ZNHIT6: variants seen among roughly 807,000 people sequenced by gnomAD.
ZNHIT6 encodes the protein zinc finger HIT-type containing 6.
In ZNHIT6, 45 loss-of-function variants were observed where a neutral mutation model predicts 57.2. The observed-to-expected ratio is 0.79, with a 90% CI of 0.62 to 1.01. ZNHIT6 has a LOEUF of 1.01. Among genes scored for constraint, ZNHIT6 ranks in the 50% least tolerant of loss-of-function variants. The probability of loss-of-function intolerance (pLI) is 0.00; values close to 1 mark genes in which losing one functional copy is unlikely to be tolerated. For missense variants in ZNHIT6, 528 were observed against 567.3 expected (o/e 0.93, Z 0.70); for synonymous variants, 188 against 190.0 (o/e 0.99, Z 0.09).
intron 4 of ZNHIT6, among the ~76,000 whole-genome samples, chr1:85,703,706 C>G (rs140827112): frequency 6.6e-6 from 1 of 152,096 alleles, no homozygotes; most frequent in African/African-American, 2.4e-5. Flanking sequence ...AGAATAACTT[C>G]CTAACTTCAA....
chr1:85,678,350 C>T lies in ZNHIT6; in HGVS notation c.1169+351G>A, dbSNP rs1380859429. 2.6e-5 allele frequency among the ~76,000 whole-genome samples: 4 copies of T among 152,094 alleles called. No individual in the cohort carries two copies. The East Asian group carries it at 5.8e-4, about 22-fold the overall frequency. ...GAGTAAAGACTTTGACTCCAGACTG[C>T]CTGGGTGTGAATCCTAGCTTCCCTG... On this transcript the variant is annotated intron_variant, in intron 7 of 9. Coordinates refer to ENST00000370574, the MANE Select transcript of ZNHIT6 (RefSeq NM_017953.4).
In ZNHIT6 at chr1:85,651,527, T is replaced by C. The variant is rs1570273749; in HGVS notation, c.*2531A>G. 6.6e-6 allele frequency: 1 copy of C among 152,354 alleles called. No homozygotes were observed. Among genetic ancestry groups the C allele is most frequent in the Admixed American group, 6.5e-5 (1 of 15,298 alleles). 9.4% of individuals were successfully genotyped at this position (152,354 alleles called of 1,614,324 possible). A position where few individuals can be genotyped will look rare whatever the true frequency, so the allele number is the denominator to read the frequency against. On this transcript the variant is annotated 3_prime_UTR_variant, in exon 10 of 10. Coordinates refer to ENST00000370574, the MANE Select transcript of ZNHIT6 (RefSeq NM_017953.4). ...CTGGGATTACAGCTGTGAGCCACTG[T>C]GCCTAGCCAATTCATATTTATAAAA...
chr1:85,679,656 CTCACT>C (rs1227957145), intron 6 of ZNHIT6, among the ~76,000 whole-genome samples: 3 of 148,458 alleles, frequency 2.0e-5, no homozygotes, highest in Non-Finnish European at 3.0e-5. Context: ...ATGATCTTGG[CTCACT>C]GCAACCTCCG....
chr1:85,684,533 G>A (rs1035189623), intron 5 of ZNHIT6, among the ~76,000 whole-genome samples: 1 of 152,100 alleles, frequency 6.6e-6, no homozygotes, highest in Non-Finnish European at 1.5e-5. Flanking sequence ...ACGGCAGAAA[G>A]CTCCTTGGGA....
chr1:85,704,613 T>TA (rs979933841), intron 4 of ZNHIT6, among the ~76,000 whole-genome samples: 8 of 151,634 alleles, frequency 5.3e-5, no homozygotes, highest in East Asian at 1.9e-4. Context: ...TTTCACAATT[T>TA]AAAAAAAAAT....
intron 8 of ZNHIT6, among the ~76,000 whole-genome samples, chr1:85,671,479 A>T (rs1661555774): frequency 6.6e-6 from 1 of 151,792 alleles, no homozygotes; most frequent in Admixed American, 6.6e-5. Flanking sequence ...TTTTTTTTTC[A>T]AAATGAATTT....
intron 8 of ZNHIT6, among the ~76,000 whole-genome samples, chr1:85,671,593 C>G (rs560530390): frequency 1.3e-5 from 2 of 152,270 alleles, no homozygotes; most frequent in East Asian, 3.9e-4. Flanking sequence ...TTCATTGAAT[C>G]ATTTCAGCAT....
intron 5 of ZNHIT6, among the ~76,000 whole-genome samples, chr1:85,688,172 T>G (rs1285983047): frequency 6.6e-6 from 1 of 152,218 alleles, no homozygotes; most frequent in Non-Finnish European, 1.5e-5. Context: ...TCAGGCATGG[T>G]TCTAAATGTA....
chr1:85,670,972 C>A (rs1411225974), intron 8 of ZNHIT6, among the ~76,000 whole-genome samples: 2 of 140,904 alleles, frequency 1.4e-5, no homozygotes, highest in African/African-American at 4.9e-5. Context: ...AAATTCGAAA[C>A]ACACACATCA....
At chr1:85,707,315 G>C (rs1266366233) in intron 1 of ZNHIT6, among the ~76,000 whole-genome samples, 1 of 152,066 alleles carries the variant, frequency 6.6e-6, no homozygotes, top group South Asian at 2.1e-4. Flanking sequence ...AAGGAATACC[G>C]AGTAAAGAGC....
In ZNHIT6 at chr1:85,652,050, T is replaced by C. The variant is rs1385000539; in HGVS notation, c.*2008A>G. On this transcript the variant is annotated 3_prime_UTR_variant, in exon 10 of 10. Coordinates refer to ENST00000370574, the MANE Select transcript of ZNHIT6 (RefSeq NM_017953.4). ...GAAAATAAAGATGGCAAAGATGCATTAGATAATATAGATTTCTTTTTTTCC... is the reference window on the plus strand; with the variant it reads ...GAAAATAAAGATGGCAAAGATGCATCAGATAATATAGATTTCTTTTTTTCC... The C allele has an allele frequency of 6.6e-6, 1 of 152,210 alleles. No homozygotes were observed. Among genetic ancestry groups the C allele is most frequent in the Non-Finnish European group, 1.5e-5 (1 of 68,038 alleles). 9.4% of individuals were successfully genotyped at this position (152,210 alleles called of 1,614,324 possible). A position where few individuals can be genotyped will look rare whatever the true frequency, so the allele number is the denominator to read the frequency against.
Position 85,650,682 on chromosome 1 carries a change from C to T in ZNHIT6, c.*3376G>A, listed in dbSNP as rs565826574. On this transcript the variant is annotated 3_prime_UTR_variant, in exon 10 of 10. Coordinates refer to ENST00000370574, the MANE Select transcript of ZNHIT6 (RefSeq NM_017953.4). ...TGGTGAGGGTCTCATGTTGCTTCCA[C>T]TCTTGGTACAAAGTGAAAGGGGAGT... 6 of 152,282 alleles carry T rather than the reference C, an allele frequency of 3.9e-5. No homozygotes were observed. In the East Asian group the frequency reaches 7.7e-4, roughly 20 times the overall value. The allele number at this position is 152,282 out of a possible 1,614,324, so 9.4% of individuals were successfully genotyped here.
intron 5 of ZNHIT6, among the ~76,000 whole-genome samples, chr1:85,691,817 C>T (rs1358189156): frequency 6.6e-6 from 1 of 152,026 alleles, no homozygotes; most frequent in Non-Finnish European, 1.5e-5. Context: ...ACCCAAGAGG[C>T]GGAGATTGCA....
intron 8 of ZNHIT6, among the ~76,000 whole-genome samples, chr1:85,675,939 G>A (rs1408565800): frequency 2.0e-5 from 3 of 152,156 alleles, no homozygotes; most frequent in Non-Finnish European, 4.4e-5. Flanking sequence ...TCATAGAGTT[G>A]AGAGTTAGGG....
At chr1:85,663,439 CAT>C (rs10545835) in intron 8 of ZNHIT6, among the ~76,000 whole-genome samples, 5,757 of 152,174 alleles carry the variant, frequency 0.038, 383 homozygotes, top group African/African-American at 0.13. Context: ...GTAGAGAAGA[CAT>C]AGTACATACT....
chr1:85,707,494 G>A lies in ZNHIT6; in HGVS notation c.656+135C>T, dbSNP rs568200105. The A allele has an allele frequency of 1.3e-5, 12 of 915,924 alleles. No individual in the cohort carries two copies. In the South Asian group the frequency reaches 1.7e-4, roughly 13 times the overall value. The allele number at this position is 915,924 out of a possible 1,614,324, so 56.7% of individuals were successfully genotyped here. Reference sequence around the variant, plus strand: ...CACTTCCCAACCCACCCCCGCGAACGCCGTCTGACTCCAGAAACCCAAACT... The same window carrying A: ...CACTTCCCAACCCACCCCCGCGAACACCGTCTGACTCCAGAAACCCAAACT... On this transcript the variant is annotated intron_variant, in intron 1 of 9. Coordinates refer to ENST00000370574, the MANE Select transcript of ZNHIT6 (RefSeq NM_017953.4).
chr1:85,680,369 T>C (rs1008696221), intron 6 of ZNHIT6, among the ~76,000 whole-genome samples: 9 of 152,176 alleles, frequency 5.9e-5, no homozygotes, highest in Admixed American at 2.6e-4. Flanking sequence ...AATCTTTGCA[T>C]GGTAGAATTT....
rs1375006529 is a variant in ZNHIT6, at chr1:85,706,444, G to A, written c.720C>T (p.Cys240=). The change falls in exon 2 of 10, where the codon TGC becomes TGT. Residue 240 remains cysteine (C), a splice_region_variant and synonymous_variant. Transcript: ENST00000370574. ...YRCPRCMRYS[C]SLPCVKKHKA... ...AAGGTAGGAAGTTACATGTATACCT[G>A]CAGGAATATCGCATACAACGTGGAC... 3 of 1,612,096 alleles carry A rather than the reference G, an allele frequency of 1.9e-6. No homozygotes were observed. The Admixed American group carries it at 5.1e-5, about 27-fold the overall frequency.
At position 85,702,202 on chromosome 1, in the gene ZNHIT6, T is replaced by C. The variant is rs189945167; in HGVS notation, c.974A>G (p.Asn325Ser). The C allele has an allele frequency of 8.6e-5, 139 of 1,611,318 alleles. No homozygotes were observed. Among genetic ancestry groups the C allele is most frequent in the Non-Finnish European group, 1.1e-4 (124 of 1,179,208 alleles). ...RQGINLKLLP[N>S]GFTKRKENST... ...ATTCTCCTTCCTCTTGGTGAATCCA[T>C]TGGGTAGAAGTTTTAAGTTAATACC... Residue 325 changes from asparagine to serine, a missense_variant, in exon 5 of 10, where the codon AAT (asparagine) becomes AGT (serine). Asn to Ser is a conservative substitution (Grantham distance 46). Transcript: ENST00000370574.
Sources: allele counts gnomAD v4.1 joint callset (sites outside exome capture counted in the v4.1 genomes callset), GRCh38; gene constraint gnomAD v4.1.1; transcripts MANE v1.5; gene names NCBI Gene and HGNC (gene_info 2026-07-23, HGNC 2026-07-21).